The following HSD17B12 variants were observed in gnomAD, a reference collection of about 807,000 sequenced individuals.
The protein encoded by HSD17B12 is very-long-chain 3-oxoacyl-CoA reductase.
In HSD17B12, 32 loss-of-function variants were observed where a neutral mutation model predicts 39.3. That is an observed-to-expected ratio of 0.81 (90% CI 0.61 to 1.09). The LOEUF is 1.09. Ranked by LOEUF, HSD17B12 falls within the 50% of genes least tolerant of loss-of-function variation. The pLI, the probability that HSD17B12 is intolerant of heterozygous loss-of-function variation, is 0.00. For synonymous variants in HSD17B12, 150 were observed against 146.7 expected, an observed-to-expected ratio of 1.02 and a Z score of -0.16; for missense variants, 342 against 382.9, an observed-to-expected ratio of 0.89 and a Z score of 0.89.
At chr11:43,631,665 C>T in the HSD17B12 span, among the ~76,000 whole-genome samples, 1 of 152,004 alleles carries the variant, frequency 6.6e-6, no homozygotes, top group African/African-American at 2.4e-5. Flanking sequence ...CTCCCTCTGT[C>T]TCTCTCTCCA....
At chr11:43,735,052 C>T (rs1488731666) in intron 1 of HSD17B12, among the ~76,000 whole-genome samples, 2 of 152,202 alleles carry the variant, frequency 1.3e-5, no homozygotes, top group Non-Finnish European at 2.9e-5. Context: ...TTTCATTAAG[C>T]ATGATGTTCA....
At chr11:43,728,787 T>C (rs1188949347) in intron 1 of HSD17B12, among the ~76,000 whole-genome samples, 1 of 152,240 alleles carries the variant, frequency 6.6e-6, no homozygotes, top group Non-Finnish European at 1.5e-5. Context: ...CCATTTTTTC[T>C]TCACTTGGCT....
chr11:43,778,562 T>G (rs1352651118), intron 3 of HSD17B12, among the ~76,000 whole-genome samples: 1 of 150,512 alleles, frequency 6.6e-6, no homozygotes, highest in Non-Finnish European at 1.5e-5. Flanking sequence ...ATATCCTTGA[T>G]GAACATTGAT....
intron 3 of HSD17B12, among the ~76,000 whole-genome samples, chr11:43,792,092 T>C (rs1376299803): frequency 2.6e-5 from 4 of 152,346 alleles, no homozygotes; most frequent in African/African-American, 9.6e-5. Context: ...TCCAAAGTCA[T>C]GTAAGGCAGG....
chr11:43,610,886 A>G, the HSD17B12 span, among the ~76,000 whole-genome samples: 1 of 152,170 alleles, frequency 6.6e-6, no homozygotes, highest in Non-Finnish European at 1.5e-5. Context: ...AATATATCAG[A>G]TCTTCAAGAG....
the HSD17B12 span, among the ~76,000 whole-genome samples, chr11:43,647,160 G>GCCAAAATTTGGAGACT: frequency 4.9e-3 from 753 of 152,266 alleles, 6 homozygotes; most frequent in African/African-American, 0.017. Flanking sequence ...TTAGACTGTA[G>GCCAAAATTTGGAGACT]CCAAAATTTG....
chr11:43,630,196 A>G, the HSD17B12 span, among the ~76,000 whole-genome samples: 7 of 145,638 alleles, frequency 4.8e-5, no homozygotes, highest in Admixed American at 4.0e-4. Context: ...CAGTCCATGG[A>G]AAAAAAGAAT....
the HSD17B12 span, among the ~76,000 whole-genome samples, chr11:43,617,711 G>A: frequency 5.9e-5 from 9 of 152,126 alleles, no homozygotes; most frequent in East Asian, 1.2e-3. Context: ...GAATACAGCC[G>A]TGAACAGGGT....
chr11:43,671,755 G>T, the HSD17B12 span, among the ~76,000 whole-genome samples: 1 of 152,116 alleles, frequency 6.6e-6, no homozygotes, highest in Non-Finnish European at 1.5e-5. Flanking sequence ...ATATTATATA[G>T]CTTCATACTT....
At chr11:43,759,723 T>G (rs1377164165) in intron 3 of HSD17B12, among the ~76,000 whole-genome samples, 1 of 151,916 alleles carries the variant, frequency 6.6e-6, no homozygotes, top group Non-Finnish European at 1.5e-5. Context: ...TTTCGTTTCA[T>G]TTCTTTTCTT....
rs754031697 is a variant in HSD17B12 at position 43,854,719 on chromosome 11, TC to T, written c.691del (p.Leu231CysfsTer5). ...YRSKGVFVQS[V>X]LPYFVATKLA... ...GGGTGGGTGTTCCCTTTCTAGAGTG[TC>T]CTGCCATACTTCGTAGCTACAAAAC... On this transcript the variant is annotated frameshift_variant, in exon 10 of 11. Coordinates refer to ENST00000278353, the MANE Select transcript of HSD17B12 (RefSeq NM_016142.3). LOFTEE classifies it high-confidence loss of function. 6.2e-7 allele frequency: 1 copy of T among 1,613,516 alleles called. No homozygotes were observed. The highest frequency in any genetic ancestry group is 8.5e-7 in the Non-Finnish European group (1 of 1,180,018).
At chr11:43,578,737 TAAAGCACTTGCAAC>T in the HSD17B12 span, among the ~76,000 whole-genome samples, 1 of 148,766 alleles carries the variant, frequency 6.7e-6, no homozygotes, top group African/African-American at 2.5e-5. Context: ...GTAGCGCCAA[TAAAGCACTTGCAAC>T]ACGTGGAGCG....
At chr11:43,808,764 T>A (rs1381039619) in intron 4 of HSD17B12, among the ~76,000 whole-genome samples, 1 of 152,238 alleles carries the variant, frequency 6.6e-6, no homozygotes, top group Non-Finnish European at 1.5e-5. Context: ...ACTGCAAATT[T>A]AAAGTCTTGT....
chr11:43,665,072 T>C, the HSD17B12 span, among the ~76,000 whole-genome samples: 3 of 152,188 alleles, frequency 2.0e-5, no homozygotes, highest in Admixed American at 1.3e-4. Flanking sequence ...AAACACGTAA[T>C]ATACATGATA....
chr11:43,684,148 A>G (rs1590656574), intron 1 of HSD17B12, among the ~76,000 whole-genome samples: 2 of 152,208 alleles, frequency 1.3e-5, no homozygotes, highest in South Asian at 4.1e-4. Flanking sequence ...CTCACCAGTA[A>G]CATTCCCACT....
At chr11:43,814,887 G>A (rs1264767222) in intron 4 of HSD17B12, among the ~76,000 whole-genome samples, 1 of 152,054 alleles carries the variant, frequency 6.6e-6, no homozygotes, top group Non-Finnish European at 1.5e-5. Context: ...ACTTTTTAAA[G>A]TTCCTAGCAC....
At chr11:43,731,120 C>T (rs1950263115) in intron 1 of HSD17B12, among the ~76,000 whole-genome samples, 1 of 152,076 alleles carries the variant, frequency 6.6e-6, no homozygotes, top group Non-Finnish European at 1.5e-5. Flanking sequence ...CCTCAGCCTC[C>T]CAAGTAGCTG....
At chr11:43,570,693 G>A in the HSD17B12 span, among the ~76,000 whole-genome samples, 2 of 152,150 alleles carry the variant, frequency 1.3e-5, no homozygotes, top group Non-Finnish European at 2.9e-5. Flanking sequence ...AACCAAAACA[G>A]ATCCTGAGGA....
intron 3 of HSD17B12, among the ~76,000 whole-genome samples, chr11:43,778,257 C>G (rs1950729603): frequency 6.6e-6 from 1 of 152,208 alleles, no homozygotes; most frequent in Non-Finnish European, 1.5e-5. Context: ...AATTCCTCGA[C>G]ACATACACTC....
Sources: gnomAD v4.1 joint callset for allele counts (sites outside exome capture counted in the v4.1 genomes callset) on GRCh38, gnomAD v4.1.1 for gene constraint, MANE v1.5 for transcripts, NCBI Gene and HGNC (gene_info 2026-07-23, HGNC 2026-07-21) for gene names.